Variants in KRT76 observed in about 807,000 individuals in gnomAD.
The protein encoded by KRT76 is keratin 76.
In KRT76, 47 loss-of-function variants were observed where a neutral mutation model predicts 44.9. The observed-to-expected ratio is 1.05, with a 90% CI of 0.83 to 1.33. The LOEUF is 1.33. KRT76 is among the 40% of genes most tolerant of loss of function. The probability of loss-of-function intolerance (pLI) is 0.00; values close to 1 mark genes in which losing one functional copy is unlikely to be tolerated. For synonymous variants in KRT76, 331 were observed against 294.1 expected, an observed-to-expected ratio of 1.13 and a Z score of -1.28; for missense variants, 860 against 775.8, an observed-to-expected ratio of 1.11 and a Z score of -1.29.
Position 52,768,490 on chromosome 12 carries a change from A to G in KRT76, c.*223T>C. 1.9e-6 allele frequency: 1 copy of G among 517,032 alleles called. No homozygotes were observed. Among genetic ancestry groups the G allele is most frequent in the South Asian group, 3.6e-5 (1 of 27,482 alleles). The allele number at this position is 517,032 out of a possible 1,614,324, so 32.0% of individuals were successfully genotyped here. A position where few individuals can be genotyped will look rare whatever the true frequency, so the allele number is the denominator to read the frequency against. ...GCTGTCCAAAGTAAGGGGCCATTGCAGGAAGGTTTCCAGGGGCATCATCAT... is the reference window on the plus strand; with the variant it reads ...GCTGTCCAAAGTAAGGGGCCATTGCGGGAAGGTTTCCAGGGGCATCATCAT... On this transcript the variant is annotated 3_prime_UTR_variant, in exon 9 of 9. Coordinates refer to ENST00000332411, the MANE Select transcript of KRT76 (RefSeq NM_015848.4).
In KRT76 at chr12:52,773,794, C is replaced by A. The variant is rs1939222105; in HGVS notation, c.816-152G>T. The A allele has an allele frequency of 6.1e-6, 3 of 493,542 alleles. No homozygotes were observed. The South Asian group carries it at 1.2e-4, about 20-fold the overall frequency. 30.6% of individuals were successfully genotyped at this position (493,542 alleles called of 1,614,324 possible). ...CAGGACCCTGGGCTCAGGGTCCTCA[C>A]ACTTAGCTCAATGCTGGCACCATAT... On this transcript the variant is annotated intron_variant, in intron 2 of 8. Transcript: ENST00000332411.
At chr12:52,771,240 G>A in intron 6 of KRT76, 21 bp from the exon 7 acceptor site, 1 of 1,611,038 alleles carries the variant, frequency 6.2e-7, no homozygotes, top group East Asian at 2.2e-5. Context: ...AAATCAATTA[G>A]CATAGTGACC....
chr12:52,776,992 G>A lies in KRT76; in HGVS notation c.300C>T (p.Gly100=). The change falls in exon 1 of 9, where the codon GGC becomes GGT. Residue 100 remains glycine (G), a synonymous_variant. Coordinates refer to ENST00000332411, the MANE Select transcript of KRT76 (RefSeq NM_015848.4). The part of the protein sequence containing the change: ...FAGGYGGGFG[G]SYGGGFGGGR... ...CACCACCAAAGCCACCACCATAGCT[G>A]CCCCCAAAGCCACCTCCATAGCCAC... 1 of 1,613,810 alleles carries A rather than the reference G, an allele frequency of 6.2e-7. No homozygotes were observed. Among genetic ancestry groups the A allele is most frequent in the East Asian group, 2.2e-5 (1 of 44,868 alleles).
intron 7 of KRT76, 67 bp downstream of exon 7, chr12:52,770,932 C>A (rs1939169333): frequency 6.2e-7 from 1 of 1,600,456 alleles, no homozygotes; most frequent in Non-Finnish European, 8.6e-7. Flanking sequence ...CATCTTGCCC[C>A]CTTTCCACAT....
chr12:52,770,784 A>T (rs542379793), intron 7 of KRT76, among the ~76,000 whole-genome samples: 1 of 152,242 alleles, frequency 6.6e-6, no homozygotes, highest in African/African-American at 2.4e-5. Flanking sequence ...ATCAATAGAG[A>T]TATGTAACAT....
rs1467230398 is a variant in KRT76, at chr12:52,777,160, A to G, written c.132T>C (p.Cys44=). The G allele has an allele frequency of 1.9e-6, 3 of 1,614,210 alleles. No individual in the cohort carries two copies. The highest frequency in any genetic ancestry group is 1.7e-5 in the Admixed American group (1 of 60,028). ...ARSGGAGGGA[C]GFRSGAGSFG... ...AGCTGCCTGCTCCGCTCCTGAAGCC[A>G]CAGGCCCCTCCACCAGCTCCCCCAG... Residue 44 remains cysteine, a synonymous_variant, in exon 1 of 9, where the codon TGT becomes TGC. Coordinates refer to ENST00000332411, the MANE Select transcript of KRT76 (RefSeq NM_015848.4).
At chr12:52,776,260 T>C (rs1592295417) in intron 1 of KRT76, among the ~76,000 whole-genome samples, 1 of 152,324 alleles carries the variant, frequency 6.6e-6, no homozygotes, top group East Asian at 1.9e-4. Flanking sequence ...ATCTGGAAGG[T>C]AAGGCAGCTG....
In KRT76 at chr12:52,772,260, T is replaced by A; in HGVS notation, c.973-2A>T. Reference sequence around the variant, plus strand: ...ATGGCTTTGCATCTGGGACAGCTCCTGCAGGAAACATGGATAGTTACTCTT... The same window carrying A: ...ATGGCTTTGCATCTGGGACAGCTCCAGCAGGAAACATGGATAGTTACTCTT... On this transcript the variant is annotated splice_acceptor_variant, in intron 4 of 8. Transcript: ENST00000332411. LOFTEE classifies it high-confidence loss of function. 1 of 1,592,810 alleles carries A rather than the reference T, an allele frequency of 6.3e-7. No individual in the cohort carries two copies. The highest frequency in any genetic ancestry group is 8.6e-7 in the Non-Finnish European group (1 of 1,169,336).
intron 1 of KRT76, among the ~76,000 whole-genome samples, chr12:52,776,033 T>C (rs986299206): frequency 1.3e-5 from 2 of 151,986 alleles, no homozygotes; most frequent in Non-Finnish European, 2.9e-5. Flanking sequence ...TTTTTAGATG[T>C]AAGCTTTTTT....
chr12:52,774,683 C>T (rs1939233282), intron 2 of KRT76, among the ~76,000 whole-genome samples: 1 of 152,168 alleles, frequency 6.6e-6, no homozygotes, highest in Non-Finnish European at 1.5e-5. Context: ...TCCCAGAGCC[C>T]AGCACAGAGC....
intron 7 of KRT76, among the ~76,000 whole-genome samples, chr12:52,770,021 C>T (rs1939155668): frequency 6.6e-6 from 1 of 152,070 alleles, no homozygotes; most frequent in African/African-American, 2.4e-5. Flanking sequence ...TGGGGTTGTT[C>T]AGGGTGGAGA....
intron 6 of KRT76, among the ~76,000 whole-genome samples, chr12:52,771,554 A>G (rs966301417): frequency 1.6e-4 from 25 of 152,218 alleles, no homozygotes; most frequent in African/African-American, 5.8e-4. Context: ...GCAGCCATCA[A>G]GGTTATGTGA....
chr12:52,769,700 T>A, intron 7 of KRT76, 117 bp from the exon 8 acceptor site: 7 of 819,636 alleles, frequency 8.5e-6, no homozygotes, highest in Non-Finnish European at 2.1e-6. Flanking sequence ...GTCAAGCTCC[T>A]GCAAGAAGAA....
At chr12:52,774,707 G>T (rs370449460) in intron 2 of KRT76, among the ~76,000 whole-genome samples, 1 of 152,288 alleles carries the variant, frequency 6.6e-6, no homozygotes, top group South Asian at 2.1e-4. Context: ...CCACAGAGTG[G>T]GTGCCCACCA....
chr12:52,776,096 A>G (rs897844426), intron 1 of KRT76, among the ~76,000 whole-genome samples: 4 of 152,066 alleles, frequency 2.6e-5, no homozygotes, highest in African/African-American at 9.7e-5. Flanking sequence ...TTTCTTTAGA[A>G]GTTTCACATA....
intron 2 of KRT76, among the ~76,000 whole-genome samples, chr12:52,774,941 C>T (rs1187337043): frequency 6.6e-6 from 1 of 152,150 alleles, no homozygotes; most frequent in Non-Finnish European, 1.5e-5. Flanking sequence ...AAGGCCTTTA[C>T]CAAGTGCAGC....
At chr12:52,776,573 A>G in intron 1 of KRT76, 119 bp downstream of exon 1, 1 of 1,529,228 alleles carries the variant, frequency 6.5e-7, no homozygotes, top group Admixed American at 1.8e-5. Flanking sequence ...GGACCAAGAC[A>G]GCACCAGGAC....
At chr12:52,774,069 T>A (rs1939226446) in intron 2 of KRT76, among the ~76,000 whole-genome samples, 1 of 152,168 alleles carries the variant, frequency 6.6e-6, no homozygotes, top group Non-Finnish European at 1.5e-5. Flanking sequence ...TGGGCTCAAG[T>A]GATTCTCCCT....
chr12:52,771,748 C>G lies in KRT76; in HGVS notation c.1263+123G>C, dbSNP rs1002125826. 2.9e-5 allele frequency: 36 copies of G among 1,241,604 alleles called. No individual in the cohort carries two copies. The Admixed American group carries it at 3.3e-4, about 11-fold the overall frequency. 76.9% of individuals were successfully genotyped at this position (1,241,604 alleles called of 1,614,324 possible). Reference sequence around the variant, plus strand: ...GGAGAACAGAGTTTCCCAGACACTGCGCTATCCCACATGTGACACCATGAA... The same window carrying G: ...GGAGAACAGAGTTTCCCAGACACTGGGCTATCCCACATGTGACACCATGAA... On this transcript the variant is annotated intron_variant, in intron 6 of 8. Transcript: ENST00000332411.
Sources: allele counts gnomAD v4.1 joint callset (sites outside exome capture counted in the v4.1 genomes callset), GRCh38; gene constraint gnomAD v4.1.1; transcripts MANE v1.5; gene names NCBI Gene and HGNC (gene_info 2026-07-23, HGNC 2026-07-21).